TNR: variants seen among roughly 807,000 people sequenced by gnomAD.
TNR encodes the protein tenascin R.
In TNR, 45 loss-of-function variants were observed where a neutral mutation model predicts 150.4. That is an observed-to-expected ratio of 0.30 (90% CI 0.24 to 0.38). The LOEUF is 0.38. Ranked by LOEUF, TNR falls within the 10% of genes least tolerant of loss-of-function variation. TNR has a pLI of 1.00. For missense variants in TNR, 1,544 were observed against 1,759.1 expected (o/e 0.88, Z 2.19); for synonymous variants, 687 against 678.4 (o/e 1.01, Z -0.20).
chr1:175,583,209 C>T lies in TNR; in HGVS notation c.-164-54840G>A, dbSNP rs533308796. Among the ~76,000 whole-genome samples the T allele has an allele frequency of 1.2e-4, 19 of 152,220 alleles. 1 individual carries two copies. Among genetic ancestry groups the T allele is most frequent in the South Asian group, 8.3e-4 (4 of 4,818 alleles). The stretch of plus-strand genomic sequence containing the variant: ...GGGTGTGGAAGAGATCTCATGTGCC[C>T]GAGTAGAACACAGGTGGCCATAGTT... On this transcript the variant is annotated intron_variant, in intron 1 of 22. Coordinates refer to ENST00000367674, the MANE Select transcript of TNR (RefSeq NM_003285.3).
chr1:175,732,960 G>A lies in TNR; in HGVS notation c.-165+10266C>T, dbSNP rs1053475254. ...GGTGGAGCTATTTTGGGACCCAGTT[G>A]GTGATTTCTAAATCCAGGAGATCCT... On this transcript the variant is annotated intron_variant, in intron 1 of 22. Coordinates refer to ENST00000367674, the MANE Select transcript of TNR (RefSeq NM_003285.3). Among the ~76,000 whole-genome samples the A allele has an allele frequency of 3.9e-5, 6 of 152,278 alleles. 1 individual carries two copies. In the South Asian group the frequency reaches 1.2e-3, roughly 32 times the overall value.
At chr1:175,557,650 A>T (rs538522064) in intron 1 of TNR, among the ~76,000 whole-genome samples, 7 of 151,330 alleles carry the variant, frequency 4.6e-5, no homozygotes, top group South Asian at 2.1e-4. Context: ...GTGGAGAAAT[A>T]GGAACACTTT....
At chr1:175,568,174 C>T (rs1661715393) in intron 1 of TNR, among the ~76,000 whole-genome samples, 2 of 152,188 alleles carry the variant, frequency 1.3e-5, no homozygotes, top group South Asian at 2.1e-4. Context: ...CAGGCAGGTG[C>T]CCATTCAAGG....
intron 1 of TNR, among the ~76,000 whole-genome samples, chr1:175,677,540 G>A (rs964963842): frequency 5.3e-5 from 8 of 152,112 alleles, no homozygotes; most frequent in East Asian, 1.9e-4. Context: ...CAACAACATC[G>A]ACAACATTGC....
chr1:175,723,536 T>C (rs577144836), intron 1 of TNR, among the ~76,000 whole-genome samples: 2 of 152,332 alleles, frequency 1.3e-5, no homozygotes, highest in South Asian at 4.1e-4. Context: ...TAAGTAGTCT[T>C]ATATATATGG....
chr1:175,498,397 G>T (rs1277075274), intron 2 of TNR, among the ~76,000 whole-genome samples: 5 of 152,200 alleles, frequency 3.3e-5, no homozygotes, highest in African/African-American at 1.2e-4. Context: ...CTGGATACAA[G>T]GATTCTGAGG....
In TNR at chr1:175,667,601, C is replaced by A. The variant is rs137905255; in HGVS notation, c.-165+75625G>T. ...ACAGGGAATTTCACATCAGAAGTAC[C>A]AAGAAGGCACACCTAACACAAACTG... On this transcript the variant is annotated intron_variant, in intron 1 of 22. Transcript: ENST00000367674. Among the ~76,000 whole-genome samples, 122 of 152,218 alleles carry A rather than the reference C, an allele frequency of 8.0e-4. 1 individual carries two copies. In the South Asian group the frequency reaches 9.7e-3, roughly 12 times the overall value.
At chr1:175,406,047 C>T (rs1653941797) in intron 3 of TNR, among the ~76,000 whole-genome samples, 169 bp downstream of exon 3, 2 of 152,230 alleles carry the variant, frequency 1.3e-5, no homozygotes, top group Non-Finnish European at 2.9e-5. Flanking sequence ...TATTAACCGG[C>T]AGCTACAGAC....
intron 2 of TNR, among the ~76,000 whole-genome samples, chr1:175,416,771 G>A (rs1654475655): frequency 6.6e-6 from 1 of 152,184 alleles, no homozygotes; most frequent in Non-Finnish European, 1.5e-5. Context: ...CACTTTGGGA[G>A]GCCAAGACGG....
intron 1 of TNR, among the ~76,000 whole-genome samples, chr1:175,534,897 A>T (rs937435496): frequency 6.6e-6 from 1 of 152,154 alleles, no homozygotes; most frequent in Non-Finnish European, 1.5e-5. Flanking sequence ...ATAGTGAGTG[A>T]GTTCTCAGGA....
chr1:175,402,306 T>A lies in TNR; in HGVS notation c.976+834A>T, dbSNP rs565959950. Among the ~76,000 whole-genome samples, 8 of 69,716 alleles carry A rather than the reference T, an allele frequency of 1.1e-4. No individual in the cohort carries two copies. The East Asian group carries it at 2.9e-3, about 26-fold the overall frequency. The allele number at this position is 69,716 out of a possible 152,430, so 45.7% of individuals were successfully genotyped here. A position where few individuals can be genotyped will look rare whatever the true frequency, so the allele number is the denominator to read the frequency against. On this transcript the variant is annotated intron_variant, in intron 4 of 22. Coordinates refer to ENST00000367674, the MANE Select transcript of TNR (RefSeq NM_003285.3). ...TCCGGCCTGGGCGACAGAGCGAGAC[T>A]CCGTCTCAAAAAAAAAAAAAAAAAA...
At chr1:175,605,411 C>T (rs1463670894) in intron 1 of TNR, among the ~76,000 whole-genome samples, 2 of 152,218 alleles carry the variant, frequency 1.3e-5, no homozygotes, top group Non-Finnish European at 2.9e-5. Context: ...TATACACTTA[C>T]TTAGTCATTT....
At chr1:175,620,607 G>A (rs1663939679) in intron 1 of TNR, among the ~76,000 whole-genome samples, 1 of 152,336 alleles carries the variant, frequency 6.6e-6, no homozygotes, top group African/African-American at 2.4e-5. Context: ...GAGGGGCTGA[G>A]CTAGCCAAGC....
chr1:175,348,656 C>T (rs1046611991), intron 18 of TNR, among the ~76,000 whole-genome samples: 2 of 152,062 alleles, frequency 1.3e-5, no homozygotes, highest in African/African-American at 2.4e-5. Context: ...TACAATGAGG[C>T]ACCACAAACC....
rs146582085 is a variant in TNR, at chr1:175,501,173, T to C, written c.-64+27096A>G. Among the ~76,000 whole-genome samples the C allele has an allele frequency of 3.9e-3, 600 of 152,326 alleles. 7 individuals are homozygous for C. Among genetic ancestry groups the C allele is most frequent in the African/African-American group, 0.014 (570 of 41,576 alleles). On this transcript the variant is annotated intron_variant, in intron 2 of 22. Transcript: ENST00000367674. The stretch of plus-strand genomic sequence containing the variant: ...GGGCTCTATCCTAGGTAATCTAGCC[T>C]GATCTAATCATGTGAGCCTTTAAAA...
At chr1:175,356,968 G>T (rs1283325169) in intron 15 of TNR, among the ~76,000 whole-genome samples, 1 of 152,202 alleles carries the variant, frequency 6.6e-6, no homozygotes, top group Non-Finnish European at 1.5e-5. Context: ...AATAAACAGG[G>T]TCAGTCTGTG....
At chr1:175,500,234 C>T (rs569794484) in intron 2 of TNR, among the ~76,000 whole-genome samples, 1 of 152,242 alleles carries the variant, frequency 6.6e-6, no homozygotes, top group South Asian at 2.1e-4. Context: ...ACATCAGTCA[C>T]TTGAGTTTCT....
intron 1 of TNR, among the ~76,000 whole-genome samples, chr1:175,706,698 C>G (rs930807319): frequency 2.0e-5 from 3 of 152,084 alleles, no homozygotes; most frequent in Admixed American, 1.3e-4. Context: ...TCCCTATGAC[C>G]CTTCCATTCA....
At position 175,661,523 on chromosome 1, in the gene TNR, C is replaced by T. The variant is rs918906296; in HGVS notation, c.-165+81703G>A. Among the ~76,000 whole-genome samples the T allele has an allele frequency of 5.3e-5, 8 of 152,166 alleles. No homozygotes were observed. The East Asian group carries it at 1.2e-3, about 22-fold the overall frequency. On this transcript the variant is annotated intron_variant, in intron 1 of 22. Transcript: ENST00000367674. ...CCTTGAGAGAAAAGGGTTTCTAGAC[C>T]TCTTCATCCTGCCTCACGTTGTACT...
Sources: gnomAD v4.1 joint callset for allele counts (sites outside exome capture counted in the v4.1 genomes callset) on GRCh38, gnomAD v4.1.1 for gene constraint, MANE v1.5 for transcripts, NCBI Gene and HGNC (gene_info 2026-07-23, HGNC 2026-07-21) for gene names.